MACO1: variants seen among roughly 807,000 people sequenced by gnomAD.
MACO1 encodes the protein macoilin.
In MACO1, 14 loss-of-function variants were observed where a neutral mutation model predicts 78.7. That is an observed-to-expected ratio of 0.18 (90% CI 0.12 to 0.28). The LOEUF is 0.28. MACO1 is among the 10% of genes least tolerant of loss of function. The pLI is 1.00. For synonymous variants in MACO1, 288 were observed against 291.6 expected, an observed-to-expected ratio of 0.99 and a Z score of 0.12; for missense variants, 501 against 799.0, an observed-to-expected ratio of 0.63 and a Z score of 4.50.
Position 25,483,545 on chromosome 1 carries a change from C to T in MACO1, c.1155-571C>T, listed in dbSNP as rs565163829. The stretch of plus-strand genomic sequence containing the variant: ...AGAGCATGTAATTTGTTCCTTTTTT[C>T]ATTGTTATTGAGTCTCGTGAGCTCT... On this transcript the variant is annotated intron_variant, in intron 6 of 10. Transcript: ENST00000374343. Among the ~76,000 whole-genome samples the T allele has an allele frequency of 1.4e-3, 210 of 152,106 alleles. 3 individuals are homozygous for T. The highest frequency in any genetic ancestry group is 3.4e-3 in the Middle Eastern group (1 of 294).
rs112968662 is a variant in MACO1, at chr1:25,464,329, T to C, written c.1154+5437T>C. On this transcript the variant is annotated intron_variant, in intron 6 of 10. Coordinates refer to ENST00000374343, the MANE Select transcript of MACO1 (RefSeq NM_018202.6). ...TTCCTCCATGTCTTCTATAATTTCTTTTTCTTCTCTTTTTTTTTTTTTTTT... is the reference window on the plus strand; with the variant it reads ...TTCCTCCATGTCTTCTATAATTTCTCTTTCTTCTCTTTTTTTTTTTTTTTT... Among the ~76,000 whole-genome samples the C allele has an allele frequency of 4.8e-3, 685 of 141,946 alleles. 6 individuals are homozygous for C. Among genetic ancestry groups the C allele is most frequent in the African/African-American group, 0.017 (655 of 39,546 alleles). 93.1% of individuals were successfully genotyped at this position (141,946 alleles called of 152,430 possible).
rs533573405 is a variant in MACO1, at chr1:25,499,461, T to G, written c.*995T>G. 45 of 151,964 alleles carry G rather than the reference T, an allele frequency of 3.0e-4. No homozygotes were observed. Among genetic ancestry groups the G allele is most frequent in the African/African-American group, 1.0e-3 (43 of 41,436 alleles). The allele number at this position is 151,964 out of a possible 1,614,324, so 9.4% of individuals were successfully genotyped here. Reference sequence around the variant, plus strand: ...CTAGGTTTTTTTTTTTTTGTTTTGTTTTTTCATTTCATTTAACTGTGCTTT... The same window carrying G: ...CTAGGTTTTTTTTTTTTTGTTTTGTGTTTTCATTTCATTTAACTGTGCTTT... On this transcript the variant is annotated 3_prime_UTR_variant, in exon 11 of 11. Transcript: ENST00000374343.
At chr1:25,482,372 C>G (rs887919958) in intron 6 of MACO1, among the ~76,000 whole-genome samples, 1 of 152,168 alleles carries the variant, frequency 6.6e-6, no homozygotes, top group Non-Finnish European at 1.5e-5. Flanking sequence ...TGGCAGCCAT[C>G]CTTGACCTGA....
intron 6 of MACO1, among the ~76,000 whole-genome samples, chr1:25,468,996 C>T (rs570255770): frequency 1.3e-5 from 2 of 152,182 alleles, no homozygotes; most frequent in South Asian, 4.2e-4. Context: ...AGTGCCACCA[C>T]ATCTGGCTAA....
At chr1:25,475,550 CAAA>C (rs1162367298) in intron 6 of MACO1, among the ~76,000 whole-genome samples, 11 of 56,974 alleles carry the variant, frequency 1.9e-4, no homozygotes, top group East Asian at 4.1e-4. Flanking sequence ...CCAGGCTCTA[CAAA>C]AAAAAAAAAA....
At chr1:25,463,418 G>A (rs1158055143) in intron 6 of MACO1, among the ~76,000 whole-genome samples, 1 of 152,178 alleles carries the variant, frequency 6.6e-6, no homozygotes, top group African/African-American at 2.4e-5. Context: ...GCAGTCTGGA[G>A]TACTCTGTTG....
chr1:25,480,791 C>G (rs907433949), intron 6 of MACO1, among the ~76,000 whole-genome samples: 2 of 150,410 alleles, frequency 1.3e-5, no homozygotes, highest in East Asian at 3.9e-4. Context: ...ATTAGCTGGG[C>G]GTGGTGGTGG....
chr1:25,441,523 C>T (rs1350438161), intron 1 of MACO1, among the ~76,000 whole-genome samples: 1 of 152,198 alleles, frequency 6.6e-6, no homozygotes, highest in African/African-American at 2.4e-5. Flanking sequence ...AGTTAAGATC[C>T]TGTAGTCAGA....
Position 25,491,479 on chromosome 1 carries a change from GACAAA to G in MACO1, c.1691_1695del (p.Lys564ThrfsTer88). 1 of 1,614,244 alleles carries G rather than the reference GACAAA, an allele frequency of 6.2e-7. No homozygotes were observed. The highest frequency in any genetic ancestry group is 8.5e-7 in the Non-Finnish European group (1 of 1,180,034). On this transcript the variant is annotated frameshift_variant, in exon 10 of 11. Transcript: ENST00000374343. LOFTEE classifies it high-confidence loss of function. ...AATGTCAGCCCTCTCAGCCATGCAA[GACAAA>G]ACACAGCACCTGGAGAACAGCTTAA...
intron 3 of MACO1, among the ~76,000 whole-genome samples, chr1:25,453,681 A>AG (rs2043088915): frequency 6.7e-6 from 1 of 149,714 alleles, no homozygotes; most frequent in African/African-American, 2.5e-5. Flanking sequence ...AAAAAAAAAA[A>AG]GAAGTGGAAT....
intron 10 of MACO1, among the ~76,000 whole-genome samples, chr1:25,493,282 A>C (rs2043503173): frequency 6.6e-6 from 1 of 152,200 alleles, no homozygotes; most frequent in Non-Finnish European, 1.5e-5. Context: ...TCTGTCACCC[A>C]GGCTGGAGTG....
intron 9 of MACO1, 45 bp downstream of exon 9, chr1:25,489,338 T>A: frequency 6.2e-7 from 1 of 1,604,688 alleles, no homozygotes; most frequent in East Asian, 2.2e-5. Flanking sequence ...AATTCCACTT[T>A]TATGCTAAAC....
In MACO1 at chr1:25,485,821, A is replaced by G. The variant is rs371898290; in HGVS notation, c.1496+26A>G. 6.3e-7 allele frequency: 1 copy of G among 1,585,030 alleles called. No individual in the cohort carries two copies. Among genetic ancestry groups the G allele is most frequent in the Non-Finnish European group, 8.6e-7 (1 of 1,166,648 alleles). On this transcript the variant is annotated intron_variant, in intron 8 of 10. Transcript: ENST00000374343. This position sits in a 1 kb window ranked among gnomAD's most constrained non-coding sequence, Gnocchi z 4.3. Reference sequence around the variant, plus strand: ...GTATGTCCATGTCACCTGAGTGTTTAATCCAAGGTTGGCTTTCCTTTACCA... The same window carrying G: ...GTATGTCCATGTCACCTGAGTGTTTGATCCAAGGTTGGCTTTCCTTTACCA...
intron 6 of MACO1, among the ~76,000 whole-genome samples, chr1:25,469,847 C>T (rs895988270): frequency 9.9e-5 from 15 of 152,014 alleles, no homozygotes; most frequent in African/African-American, 3.4e-4. Context: ...AGGCTGGTCT[C>T]GAACTCCTGA....
At position 25,498,512 on chromosome 1, in the gene MACO1, T is replaced by A; in HGVS notation, c.*46T>A. On this transcript the variant is annotated 3_prime_UTR_variant, in exon 11 of 11. Coordinates refer to ENST00000374343, the MANE Select transcript of MACO1 (RefSeq NM_018202.6). Reference sequence around the variant, plus strand: ...CCAAAAATTTGGTTACCGGAAGGCATTGCAAAGGAGCGTCTCTGGCAGTCA... The same window carrying A: ...CCAAAAATTTGGTTACCGGAAGGCAATGCAAAGGAGCGTCTCTGGCAGTCA... The A allele has an allele frequency of 1.3e-6, 2 of 1,517,246 alleles. No individual in the cohort carries two copies. The highest frequency in any genetic ancestry group is 4.5e-5 in the East Asian group (2 of 44,216). The allele number at this position is 1,517,246 out of a possible 1,614,324, so 94.0% of individuals were successfully genotyped here. A position where few individuals can be genotyped will look rare whatever the true frequency, so the allele number is the denominator to read the frequency against.
intron 6 of MACO1, among the ~76,000 whole-genome samples, chr1:25,478,701 A>G (rs2043344382): frequency 6.6e-6 from 1 of 152,240 alleles, no homozygotes; most frequent in African/African-American, 2.4e-5. Flanking sequence ...GTGAGTAGGA[A>G]AAGTTGCCTG....
chr1:25,492,368 G>A (rs531287984), intron 10 of MACO1, among the ~76,000 whole-genome samples: 1 of 152,180 alleles, frequency 6.6e-6, no homozygotes, highest in Non-Finnish European at 1.5e-5. Flanking sequence ...TGTGGCAGGG[G>A]TCTCCCTTTT....
chr1:25,454,316 C>T lies in MACO1; in HGVS notation c.407C>T (p.Ala136Val). The change falls in exon 4 of 11, where the codon GCA (alanine) becomes GTA (valine). Residue 136 changes from alanine (A) to valine (V), a missense_variant. Physicochemically the swap from Ala to Val is moderately conservative, Grantham distance 64. This residue lies in a region of MACO1 where 171 missense variants were observed against 292.1 expected (regional missense o/e 0.59). Coordinates refer to ENST00000374343, the MANE Select transcript of MACO1 (RefSeq NM_018202.6). Reference sequence around the variant, plus strand: ...TGGATCCTCTTTGTTTATATTGAAGCAGCCATTAGATTTAAAGATCTCAAA... The same window carrying T: ...TGGATCCTCTTTGTTTATATTGAAGTAGCCATTAGATTTAAAGATCTCAAA... ...SLWILFVYIEAAIRFKDLKNF... is the reference protein window; with the variant it reads ...SLWILFVYIEVAIRFKDLKNF... The T allele has an allele frequency of 6.2e-7, 1 of 1,611,370 alleles. No individual in the cohort carries two copies. Among genetic ancestry groups the T allele is most frequent in the Non-Finnish European group, 8.5e-7 (1 of 1,179,084 alleles).
rs528877709 is a variant in MACO1 at position 25,449,090 on chromosome 1, A to G, written c.349+156A>G. Among the ~76,000 whole-genome samples the G allele has an allele frequency of 2.0e-5, 3 of 152,242 alleles. No individual in the cohort carries two copies. In the South Asian group the frequency reaches 6.2e-4, roughly 32 times the overall value. On this transcript the variant is annotated intron_variant, in intron 3 of 10. Transcript: ENST00000374343. ...TTATAATATACCTTCAAAAATATAT[A>G]TCTTTTTTCGTTATTTGAATACAAA...
Sources: gnomAD v4.1 joint callset for allele counts (sites outside exome capture counted in the v4.1 genomes callset) on GRCh38, gnomAD v4.1.1 for gene constraint, gnomAD v4.1.1 regional missense constraint, Gnocchi (gnomAD v3.1) non-coding constraint, MANE v1.5 for transcripts, NCBI Gene and HGNC (gene_info 2026-07-23, HGNC 2026-07-21) for gene names.